LRBA: variants seen among roughly 807,000 people sequenced by gnomAD.
The protein encoded by LRBA is LPS responsive beige-like anchor protein, also known as lipopolysaccharide-responsive and beige-like anchor protein.
Under a neutral mutation model 330.0 loss-of-function variants are expected in LRBA, and 176 were observed. The ratio of observed to expected loss-of-function variants is 0.53; its 90% CI spans 0.47 to 0.60. LRBA has a LOEUF of 0.60. LRBA is among the 20% of genes least tolerant of loss of function. LRBA has a pLI of 0.00. For missense variants in LRBA, 3,259 were observed against 3,444.8 expected (o/e 0.95, Z 1.35); for synonymous variants, 1,230 against 1,193.0 (o/e 1.03, Z -0.64).
intron 37 of LRBA, among the ~76,000 whole-genome samples, chr4:150,609,128 A>G (rs187289119): frequency 6.6e-6 from 1 of 152,250 alleles, no homozygotes; most frequent in East Asian, 1.9e-4. Flanking sequence ...CTGAATTACA[A>G]TTTTGTTCAG....
At chr4:150,618,848 G>GTGTATATATA (rs1032502834) in intron 37 of LRBA, among the ~76,000 whole-genome samples, 1 of 146,208 alleles carries the variant, frequency 6.8e-6, no homozygotes, top group Admixed American at 6.8e-5. Flanking sequence ...ATGTGTGTAT[G>GTGTATATATA]TATATATATA....
At position 150,928,530 on chromosome 4, in the gene LRBA, C is replaced by G. The variant is rs748251215; in HGVS notation, c.535G>C (p.Asp179His). 6.8e-6 allele frequency: 11 copies of G among 1,613,064 alleles called. No homozygotes were observed. The highest frequency in any genetic ancestry group is 9.3e-6 in the Non-Finnish European group (11 of 1,179,362). Residue 179 changes from aspartate (D) to histidine (H), a missense_variant, in exon 4 of 57, where the codon GAT becomes CAT. By Grantham distance (81) the Asp-to-His change is moderately conservative (BLOSUM62 -1). Transcript: ENST00000651943. ...LKLFFSKLQG[D>H]KGRWPPHAGK... ...AGTTTTTTTACCCATCGTCCTTTAT[C>G]TCCTTGAAGTTTACTGAAGAAAAGC... is the stretch of plus-strand genomic sequence containing the variant.
intron 36 of LRBA, among the ~76,000 whole-genome samples, chr4:150,706,846 C>A (rs1467259764): frequency 2.0e-5 from 3 of 151,494 alleles, no homozygotes; most frequent in South Asian, 2.1e-4. Context: ...TCATAAAAAA[C>A]CAAAAATGTA....
intron 34 of LRBA, among the ~76,000 whole-genome samples, chr4:150,774,764 T>G (rs1048039898): frequency 2.0e-5 from 3 of 152,174 alleles, no homozygotes; most frequent in Non-Finnish European, 2.9e-5. Flanking sequence ...GGGACCCAGC[T>G]TCCCCTTCCT....
chr4:150,374,574 A>G (rs76640899), intron 47 of LRBA, among the ~76,000 whole-genome samples: 81 of 152,342 alleles, frequency 5.3e-4, no homozygotes, highest in African/African-American at 1.9e-3. Flanking sequence ...TAATCCAAAA[A>G]TTCAAAATAC....
intron 40 of LRBA, among the ~76,000 whole-genome samples, chr4:150,566,611 T>G (rs1448861297): frequency 6.6e-6 from 1 of 152,012 alleles, no homozygotes; most frequent in Non-Finnish European, 1.5e-5. Context: ...TAAAAGAAGA[T>G]CAAGTAACTG....
chr4:150,959,120 T>C (rs1737859259), intron 2 of LRBA, among the ~76,000 whole-genome samples: 1 of 149,392 alleles, frequency 6.7e-6, no homozygotes, highest in Non-Finnish European at 1.5e-5. Flanking sequence ...GGCAAGAGGA[T>C]TAACGGACTC....
At chr4:150,563,856 T>C (rs1313614189) in intron 40 of LRBA, among the ~76,000 whole-genome samples, 1 of 151,962 alleles carries the variant, frequency 6.6e-6, no homozygotes. Context: ...CAAGGAGAAG[T>C]ACAAATCACT....
chr4:150,645,900 A>T (rs1013672495), intron 37 of LRBA, among the ~76,000 whole-genome samples: 1 of 82,164 alleles, frequency 1.2e-5, no homozygotes. Flanking sequence ...CCCCCCTCCC[A>T]AGAAAAAGAA....
chr4:150,574,915 C>T (rs1388169567), intron 40 of LRBA, among the ~76,000 whole-genome samples: 1 of 151,956 alleles, frequency 6.6e-6, no homozygotes, highest in African/African-American at 2.4e-5. Context: ...AGTGTCTGAT[C>T]CCAGCAAGCA....
chr4:150,877,131 G>A (rs1038071567), intron 17 of LRBA, among the ~76,000 whole-genome samples: 6 of 151,822 alleles, frequency 4.0e-5, no homozygotes, highest in Admixed American at 6.6e-5. Context: ...GGTGGCGGGC[G>A]CCTGTATTCC....
At chr4:150,853,006 T>G in intron 22 of LRBA, 63 bp from the exon 23 acceptor site, 1 of 860,364 alleles carries the variant, frequency 1.2e-6, no homozygotes, top group South Asian at 2.7e-5. Context: ...ATACAAAATA[T>G]AAAACTAAAT....
At chr4:150,822,461 A>T (rs970685254) in intron 30 of LRBA, among the ~76,000 whole-genome samples, 2 of 152,180 alleles carry the variant, frequency 1.3e-5, no homozygotes, top group Non-Finnish European at 2.9e-5. Context: ...AACAAATCTA[A>T]ATAAATTATA....
intron 31 of LRBA, among the ~76,000 whole-genome samples, chr4:150,809,917 T>G (rs1444614878): frequency 1.5e-5 from 2 of 134,260 alleles, no homozygotes; most frequent in African/African-American, 5.6e-5. Flanking sequence ...TACGATACGA[T>G]ACGATACGAT....
chr4:150,265,386 G>C lies in LRBA; in HGVS notation c.*336C>G, dbSNP rs1745174698. ...TGTGAAAATCCTATTTCTCAAGCTTGTAGATGCATGGGAAATGTTCTTCAT... is the reference window on the plus strand; with the variant it reads ...TGTGAAAATCCTATTTCTCAAGCTTCTAGATGCATGGGAAATGTTCTTCAT... On this transcript the variant is annotated 3_prime_UTR_variant, in exon 57 of 57. Coordinates refer to ENST00000651943, the MANE Select transcript of LRBA (RefSeq NM_001364905.1). 1 of 183,108 alleles carries C rather than the reference G, an allele frequency of 5.5e-6. No homozygotes were observed. Among genetic ancestry groups the C allele is most frequent in the African/African-American group, 2.4e-5 (1 of 42,530 alleles). 11.3% of individuals were successfully genotyped at this position (183,108 alleles called of 1,614,324 possible).
chr4:150,875,023 C>T lies in LRBA; in HGVS notation c.2166-2268G>A, dbSNP rs1159774431. 2.6e-5 allele frequency among the ~76,000 whole-genome samples: 4 copies of T among 152,090 alleles called. No homozygotes were observed. In the East Asian group the frequency reaches 7.7e-4, roughly 29 times the overall value. Reference sequence around the variant, plus strand: ...CTCCAGCAGCCTGAGTCACCTCACCCCTCTGTGCAAAGATCTTGGTGCAAG... The same window carrying T: ...CTCCAGCAGCCTGAGTCACCTCACCTCTCTGTGCAAAGATCTTGGTGCAAG... On this transcript the variant is annotated intron_variant, in intron 17 of 56. Coordinates refer to ENST00000651943, the MANE Select transcript of LRBA (RefSeq NM_001364905.1).
chr4:150,746,592 TGTCC>T (rs761147248), intron 35 of LRBA, among the ~76,000 whole-genome samples: 5 of 150,242 alleles, frequency 3.3e-5, no homozygotes, highest in Middle Eastern at 3.5e-3. Context: ...TTCACTGCAA[TGTCC>T]GTCTCCCTGG....
chr4:151,003,025 T>C (rs920316595), intron 2 of LRBA, among the ~76,000 whole-genome samples: 4 of 128,956 alleles, frequency 3.1e-5, no homozygotes, highest in Non-Finnish European at 5.1e-5. Flanking sequence ...AAAAAAAATA[T>C]GTGTGTGTGT....
rs1763681202 is a variant in LRBA at position 150,528,294 on chromosome 4, T to A, written c.6331-37259A>T. Among the ~76,000 whole-genome samples, 4 of 151,918 alleles carry A rather than the reference T, an allele frequency of 2.6e-5. No homozygotes were observed. In the South Asian group the frequency reaches 8.3e-4, roughly 32 times the overall value. On this transcript the variant is annotated intron_variant, in intron 40 of 56. Transcript: ENST00000651943. ...GCAGGTGGATCACGAGGTCAGGAGATCGAGACCATCCTGGCAAACACAGTG... is the reference window on the plus strand; with the variant it reads ...GCAGGTGGATCACGAGGTCAGGAGAACGAGACCATCCTGGCAAACACAGTG...
Sources: gnomAD v4.1 joint callset for allele counts (sites outside exome capture counted in the v4.1 genomes callset) on GRCh38, gnomAD v4.1.1 for gene constraint, MANE v1.5 for transcripts, NCBI Gene and HGNC (gene_info 2026-07-23, HGNC 2026-07-21) for gene names.